Variants in SMAD4 observed in about 807,000 individuals in gnomAD.
SMAD4 encodes SMAD family member 4.
A neutral mutation model predicts 63.2 loss-of-function variants in SMAD4; 7 were observed. The observed-to-expected ratio is 0.11, with a 90% confidence interval of 0.06 to 0.21. The LOEUF (loss-of-function observed/expected upper bound fraction) is 0.21. Ranked by LOEUF, SMAD4 falls within the 10% of genes least tolerant of loss-of-function variation. The probability of loss-of-function intolerance (pLI) is 1.00; values close to 1 mark genes in which losing one functional copy is unlikely to be tolerated. For synonymous variants in SMAD4, 215 were observed against 235.4 expected (o/e 0.91, Z 0.79); for missense variants, 312 against 693.8 (o/e 0.45, Z 6.18).
At position 51,061,227 on chromosome 18, in the gene SMAD4, G is replaced by A. The variant is rs149592216; in HGVS notation, c.955+1311G>A. ...TCTTTTGTGTTACAATCTATACTCT[G>A]TTAGTTATTTTAAAGTGTACAATTA... is the stretch of plus-strand genomic sequence containing the variant. On this transcript the variant is annotated intron_variant, in intron 8 of 11. Transcript: ENST00000342988. Among the ~76,000 whole-genome samples, 514 of 152,194 alleles carry A rather than the reference G, an allele frequency of 3.4e-3. 6 individuals carry two copies. The East Asian group carries it at 0.043, about 13-fold the overall frequency.
In SMAD4 at chr18:51,058,368, G is replaced by A. The variant is rs1231028123; in HGVS notation, c.816G>A (p.Arg272=). 9.9e-6 allele frequency: 16 copies of A among 1,614,090 alleles called. No homozygotes were observed. Among genetic ancestry groups the A allele is most frequent in the Admixed American group, 1.7e-5 (1 of 60,008 alleles). ...HNSTTTWTGS[R]TAPYTPNLPH... is the part of the protein sequence containing the mutation. ...GCACTACCACCTGGACTGGAAGTAG[G>A]ACTGCACCATACACACCTAATTTGC... The change falls in exon 7 of 12, where the codon AGG becomes AGA. Residue 272 remains arginine (R), a synonymous_variant. Coordinates refer to ENST00000342988, the MANE Select transcript of SMAD4 (RefSeq NM_005359.6).
chr18:51,040,985 C>G (rs921775415), intron 1 of SMAD4, among the ~76,000 whole-genome samples: 8 of 152,118 alleles, frequency 5.3e-5, no homozygotes, highest in African/African-American at 1.9e-4. Flanking sequence ...TTTGTCCCCC[C>G]TTTTTCACCC....
At chr18:51,052,675 T>A (rs1457822514) in intron 4 of SMAD4, 1 of 285,892 alleles carries the variant, frequency 3.5e-6, no homozygotes, top group Non-Finnish European at 7.1e-6. Flanking sequence ...TAAAAAGGTA[T>A]ACAGTGAAAA....
At chr18:51,040,772 A>G (rs781735547) in intron 1 of SMAD4, among the ~76,000 whole-genome samples, 1 of 152,262 alleles carries the variant, frequency 6.6e-6, no homozygotes, top group Non-Finnish European at 1.5e-5. Flanking sequence ...CAACAGGCAG[A>G]TAACAAGAAT....
rs549306818 is a variant in SMAD4, at chr18:51,052,499, C to T, written c.455-2282C>T. 61 of 183,768 alleles carry T rather than the reference C, an allele frequency of 3.3e-4. 1 individual carries two copies. The South Asian group carries it at 5.6e-3, about 17-fold the overall frequency. 11.4% of individuals were successfully genotyped at this position (183,768 alleles called of 1,614,324 possible). ...GAACAGTACCTGGAACAGAAGTGCT[C>T]AAGAAATATTTTTTCAGTGAATGAA... On this transcript the variant is annotated intron_variant, in intron 4 of 11. Coordinates refer to ENST00000342988, the MANE Select transcript of SMAD4 (RefSeq NM_005359.6).
At chr18:51,037,579 A>T (rs548472080) in intron 1 of SMAD4, among the ~76,000 whole-genome samples, 169 of 152,310 alleles carry the variant, frequency 1.1e-3, no homozygotes, top group African/African-American at 3.7e-3. Flanking sequence ...GTTTAATTTT[A>T]AAAAAATCTC....
chr18:51,064,074 C>A (rs144999412), intron 8 of SMAD4, among the ~76,000 whole-genome samples: 148 of 150,052 alleles, frequency 9.9e-4, no homozygotes, highest in African/African-American at 3.4e-3. Context: ...TCCGTAAGAT[C>A]TGGGTTTCTT....
Position 51,039,189 on chromosome 18 carries a change from C to T in SMAD4, c.-127-7731C>T, listed in dbSNP as rs569782519. ...TAAAGTAACTATTTCTATGCATTAT[C>T]GACTAAATTACTGATTGATTGAATT... On this transcript the variant is annotated intron_variant, in intron 1 of 11. Coordinates refer to ENST00000342988, the MANE Select transcript of SMAD4 (RefSeq NM_005359.6). Among the ~76,000 whole-genome samples the T allele has an allele frequency of 1.2e-3, 177 of 152,280 alleles. 1 individual carries two copies. Among genetic ancestry groups the T allele is most frequent in the African/African-American group, 3.8e-3 (156 of 41,558 alleles).
At chr18:51,040,458 A>G (rs1909342300) in intron 1 of SMAD4, among the ~76,000 whole-genome samples, 1 of 152,172 alleles carries the variant, frequency 6.6e-6, no homozygotes, top group African/African-American at 2.4e-5. Context: ...TTTCTCAAAT[A>G]TTCCCATAGT....
chr18:51,069,160 A>G (rs1439038627), intron 10 of SMAD4, among the ~76,000 whole-genome samples: 1 of 152,192 alleles, frequency 6.6e-6, no homozygotes, highest in Non-Finnish European at 1.5e-5. Context: ...TCTGTCACCC[A>G]GGCTAGAGTA....
At chr18:51,059,788 A>T (rs2144432651) in intron 7 of SMAD4, 78 bp from the exon 8 acceptor site, 1 of 1,033,906 alleles carries the variant, frequency 9.7e-7, no homozygotes, top group Non-Finnish European at 1.5e-6. Context: ...AGTTATATTT[A>T]AGTAAGATTT....
At chr18:51,065,380 T>A (rs1489373243) in intron 8 of SMAD4, 43 bp from the exon 9 acceptor site, 2 of 1,527,756 alleles carry the variant, frequency 1.3e-6, no homozygotes, top group Non-Finnish European at 1.8e-6. Context: ...AAGCCTTATA[T>A]CTTTCTCATG....
At position 51,078,353 on chromosome 18, in the gene SMAD4, A is replaced by G. The variant is rs760840557; in HGVS notation, c.1545A>G (p.Arg515=). 7 of 1,614,182 alleles carry G rather than the reference A, an allele frequency of 4.3e-6. No homozygotes were observed. The highest frequency in any genetic ancestry group is 5.9e-6 in the Non-Finnish European group (7 of 1,180,012). ...AAGGCTGGGGACCGGATTACCCAAG[A>G]CAGAGCATCAAAGAAACACCTTGCT... The part of the protein sequence containing the change: ...FVKGWGPDYP[R]QSIKETPCWI... Residue 515 remains arginine, a synonymous_variant, in exon 12 of 12, where the codon AGA becomes AGG. Coordinates refer to ENST00000342988, the MANE Select transcript of SMAD4 (RefSeq NM_005359.6).
In SMAD4 at chr18:51,082,275, C is replaced by G. The variant is rs1910628804; in HGVS notation, c.*3808C>G. 4.4e-6 allele frequency: 1 copy of G among 228,916 alleles called. No homozygotes were observed. Among genetic ancestry groups the G allele is most frequent in the East Asian group, 6.3e-5 (1 of 15,954 alleles). 14.2% of individuals were successfully genotyped at this position (228,916 alleles called of 1,614,324 possible). ...TGTTGCAGATAGCTATCTAAATAAT[C>G]TCATATCCTCTTTTGCAAAGACTAC... On this transcript the variant is annotated 3_prime_UTR_variant, in exon 12 of 12. Coordinates refer to ENST00000342988, the MANE Select transcript of SMAD4 (RefSeq NM_005359.6).
chr18:51,059,771 C>G, intron 7 of SMAD4, 95 bp from the exon 8 acceptor site: 2 of 912,418 alleles, frequency 2.2e-6, no homozygotes, highest in Non-Finnish European at 3.6e-6. Context: ...AATTCCTAAC[C>G]TATAATAGTT....
chr18:51,056,544 CG>C (rs1909848709), intron 5 of SMAD4, among the ~76,000 whole-genome samples: 1 of 146,652 alleles, frequency 6.8e-6, no homozygotes, highest in South Asian at 2.2e-4. Context: ...GGCGTGAACC[CG>C]GGAGGCGGAG....
Position 51,081,132 on chromosome 18 carries a change from A to G in SMAD4, c.*2665A>G, listed in dbSNP as rs1169892161. On this transcript the variant is annotated 3_prime_UTR_variant, in exon 12 of 12. Transcript: ENST00000342988. ...TTCTTAGTGGTAGTCATCTTTGATG[A>G]ATAAGACTAAAGATTCTCACAGGTT... The G allele has an allele frequency of 4.5e-6, 1 of 219,842 alleles. No individual in the cohort carries two copies. Among genetic ancestry groups the G allele is most frequent in the Non-Finnish European group, 9.1e-6 (1 of 109,884 alleles). The allele number at this position is 219,842 out of a possible 1,614,324, so 13.6% of individuals were successfully genotyped here.
chr18:51,055,887 T>A (rs1909832635), intron 5 of SMAD4, among the ~76,000 whole-genome samples: 1 of 152,200 alleles, frequency 6.6e-6, no homozygotes, highest in Non-Finnish European at 1.5e-5. Context: ...ACTATCAGAT[T>A]AGATTCAACA....
chr18:51,055,118 A>G lies in SMAD4; in HGVS notation c.667+125A>G. Reference sequence around the variant, plus strand: ...TAAAAGTAACTGTAGTATCTTTCATAGGTAAACAGGTATTAAACAGGTATG... The same window carrying G: ...TAAAAGTAACTGTAGTATCTTTCATGGGTAAACAGGTATTAAACAGGTATG... On this transcript the variant is annotated intron_variant, in intron 5 of 11. Coordinates refer to ENST00000342988, the MANE Select transcript of SMAD4 (RefSeq NM_005359.6). The G allele has an allele frequency of 4.0e-6, 3 of 749,560 alleles. No homozygotes were observed. The South Asian group carries it at 4.3e-5, about 11-fold the overall frequency. The allele number at this position is 749,560 out of a possible 1,614,324, so 46.4% of individuals were successfully genotyped here. A position where few individuals can be genotyped will look rare whatever the true frequency, so the allele number is the denominator to read the frequency against.
Sources: allele counts gnomAD v4.1 joint callset (sites outside exome capture counted in the v4.1 genomes callset), GRCh38; gene constraint gnomAD v4.1.1; transcripts MANE v1.5; gene names NCBI Gene and HGNC (gene_info 2026-07-23, HGNC 2026-07-21).